ATP12A: variants seen among roughly 807,000 people sequenced by gnomAD.
ATP12A encodes potassium-transporting ATPase alpha chain 2.
ATP12A carries 81 observed loss-of-function variants against 111.2 expected under a neutral mutation model. The observed-to-expected ratio is 0.73, with a 90% CI of 0.61 to 0.88. The LOEUF is 0.88. ATP12A is among the 40% of genes least tolerant of loss of function. The probability of loss-of-function intolerance (pLI) is 0.00; values close to 1 mark genes in which losing one functional copy is unlikely to be tolerated. For missense variants in ATP12A, 1,196 were observed against 1,313.1 expected (o/e 0.91, Z 1.38); for synonymous variants, 498 against 499.8 (o/e 1.00, Z 0.05).
intron 14 of ATP12A, among the ~76,000 whole-genome samples, chr13:24,703,288 G>T (rs377594090): frequency 6.6e-6 from 1 of 152,146 alleles, no homozygotes; most frequent in South Asian, 2.1e-4. Context: ...TGTCACCCAC[G>T]CTGTAATGCA....
At position 24,690,739 on chromosome 13, in the gene ATP12A, C is replaced by T. The variant is rs771097256; in HGVS notation, c.799+18C>T. The T allele has an allele frequency of 3.8e-6, 6 of 1,599,350 alleles. No homozygotes were observed. The South Asian group carries it at 6.7e-5, about 18-fold the overall frequency. On this transcript the variant is annotated intron_variant, in intron 7 of 22. Transcript: ENST00000381946. ...TCTGGAAGGTAAAAGGCCTCTGGCT[C>T]TCAGCCCACATGTCCACCTGTGTCC...
At position 24,708,964 on chromosome 13, in the gene ATP12A, G is replaced by GAAA. The variant is rs1566078416; in HGVS notation, c.2494-400_2494-399insAAA. On this transcript the variant is annotated intron_variant, in intron 17 of 22. Transcript: ENST00000381946. Reference sequence around the variant, plus strand: ...AAGAAAGAAAGAAAGAAAGAAAGAAGGAAAGAGAAAGAGAAATGAATGCAA... The same window carrying GAAA: ...AAGAAAGAAAGAAAGAAAGAAAGAAGAAAGAAAGAGAAAGAGAAATGAATGCAA... Among the ~76,000 whole-genome samples the GAAA allele has an allele frequency of 4.5e-3, 519 of 114,772 alleles. 19 individuals are homozygous for GAAA. Among genetic ancestry groups the GAAA allele is most frequent in the East Asian group, 0.017 (54 of 3,222 alleles). 75.3% of individuals were successfully genotyped at this position (114,772 alleles called of 152,430 possible).
At chr13:24,705,031 C>T (rs1402696359) in intron 14 of ATP12A, among the ~76,000 whole-genome samples, 3 of 152,108 alleles carry the variant, frequency 2.0e-5, no homozygotes, top group South Asian at 2.1e-4. Flanking sequence ...TTTTTGCCAG[C>T]GGTTAAGGAG....
chr13:24,682,825 G>C (rs942760686), intron 2 of ATP12A, among the ~76,000 whole-genome samples: 1 of 152,132 alleles, frequency 6.6e-6, no homozygotes, highest in Non-Finnish European at 1.5e-5. Context: ...TTTCCTTTAT[G>C]TAAAATGGGA....
intron 2 of ATP12A, among the ~76,000 whole-genome samples, chr13:24,682,716 T>G (rs1430370562): frequency 6.6e-6 from 1 of 152,158 alleles, no homozygotes; most frequent in Non-Finnish European, 1.5e-5. Flanking sequence ...GTGGTAAAAA[T>G]GTGGAGCTTG....
chr13:24,696,489 G>A (rs1478855150), intron 11 of ATP12A, among the ~76,000 whole-genome samples: 1 of 72,314 alleles, frequency 1.4e-5, no homozygotes, highest in Non-Finnish European at 2.9e-5. Context: ...GGTGGATCAT[G>A]AGGTCAGGAG....
Position 24,712,224 on chromosome 13 carries a change from A to G in ATP12A, c.*702A>G, listed in dbSNP as rs563106138. 1 of 152,662 alleles carries G rather than the reference A, an allele frequency of 6.6e-6. No homozygotes were observed. The highest frequency in any genetic ancestry group is 1.5e-5 in the Non-Finnish European group (1 of 68,354). 9.5% of individuals were successfully genotyped at this position (152,662 alleles called of 1,614,324 possible). On this transcript the variant is annotated 3_prime_UTR_variant, in exon 23 of 23. Transcript: ENST00000381946. ...AAACTGAGCTCCCAGTTCATTTTGC[A>G]TATCCTAACTCAAAATGCTCAGCTA...
chr13:24,693,573 A>G (rs1875001801), intron 10 of ATP12A, among the ~76,000 whole-genome samples: 1 of 152,098 alleles, frequency 6.6e-6, no homozygotes. Flanking sequence ...CTAATTTCTT[A>G]CCTCAACTCC....
rs761267646 is a variant in ATP12A, at chr13:24,690,623, CG to C, written c.706del (p.Glu236SerfsTer93). 6 of 1,612,320 alleles carry C rather than the reference CG, an allele frequency of 3.7e-6. No individual in the cohort carries two copies. The East Asian group carries it at 1.3e-4, about 36-fold the overall frequency. ...TTCTAGGTGGATAACTCATCTCTCA[CG>C]GGGGAGTCTGAGCCCCAGCCCCGCT... ...QGCRVDNSSLTGESEPQPRSS... is the reference protein window; with the variant it reads ...QGCRVDNSSLXGESEPQPRSS... On this transcript the variant is annotated frameshift_variant, in exon 7 of 23. Coordinates refer to ENST00000381946, the MANE Select transcript of ATP12A (RefSeq NM_001676.7). LOFTEE classifies it high-confidence loss of function.
Position 24,700,889 on chromosome 13 carries a change from T to A in ATP12A, c.1848T>A (p.Asp616Glu). The change falls in exon 13 of 23, where the codon GAT becomes GAA. Residue 616 changes from aspartate (D) to glutamate (E), a missense_variant. Asp to Glu is a conservative substitution (Grantham distance 45). Coordinates refer to ENST00000381946, the MANE Select transcript of ATP12A (RefSeq NM_001676.7). The stretch of plus-strand genomic sequence containing the variant: ...ATCCCCCTCGGTCCACCGTGCCAGA[T>A]GCAGTCACCAAATGCCGGAGTGCAG... ...MIDPPRSTVP[D>E]AVTKCRSAGI... 1 of 1,614,238 alleles carries A rather than the reference T, an allele frequency of 6.2e-7. No homozygotes were observed. Among genetic ancestry groups the A allele is most frequent in the Non-Finnish European group, 8.5e-7 (1 of 1,180,038 alleles).
chr13:24,694,621 A>C, intron 11 of ATP12A, 43 bp downstream of exon 11: 1 of 1,610,804 alleles, frequency 6.2e-7, no homozygotes, highest in Non-Finnish European at 8.5e-7. Flanking sequence ...CATCGGCAGC[A>C]TGACCTTTCT....
At chr13:24,683,918 T>C (rs879191557) in intron 2 of ATP12A, among the ~76,000 whole-genome samples, 3 of 152,204 alleles carry the variant, frequency 2.0e-5, no homozygotes, top group Admixed American at 6.5e-5. Flanking sequence ...CCAACCTTTC[T>C]TGGCAAATTA....
At chr13:24,694,084 C>T (rs1025725191) in intron 10 of ATP12A, among the ~76,000 whole-genome samples, 1 of 152,184 alleles carries the variant, frequency 6.6e-6, no homozygotes, top group South Asian at 2.1e-4. Flanking sequence ...CCGCTTGTAC[C>T]TTGAACACTC....
At position 24,690,277 on chromosome 13, in the gene ATP12A, C is replaced by T. The variant is rs1420176589; in HGVS notation, c.547-61C>T. 1.9e-6 allele frequency: 3 copies of T among 1,595,002 alleles called. No individual in the cohort carries two copies. The African/African-American group carries it at 4.0e-5, about 21-fold the overall frequency. On this transcript the variant is annotated intron_variant, in intron 5 of 22. Transcript: ENST00000381946. ...GTCCTGGGGTTCGGTGCGGCACAGA[C>T]TTGGGGGAGGGCCGGTGTCCTTCCA...
At chr13:24,691,371 C>T (rs567168374) in intron 8 of ATP12A, 121 bp downstream of exon 8, 18 of 1,245,398 alleles carry the variant, frequency 1.4e-5, no homozygotes, top group Admixed American at 5.4e-5. Flanking sequence ...TCCCCGCCAG[C>T]GACAACCCTG....
Position 24,698,940 on chromosome 13 carries a change from A to T in ATP12A, c.1705+90A>T, listed in dbSNP as rs570834476. On this transcript the variant is annotated intron_variant, in intron 12 of 22. Coordinates refer to ENST00000381946, the MANE Select transcript of ATP12A (RefSeq NM_001676.7). ...GGACCTGTGACCTAGCCCAGTGGCC[A>T]TGGCATCCACGTGAAGCATGTAAAG... The T allele has an allele frequency of 4.1e-6, 6 of 1,454,824 alleles. No individual in the cohort carries two copies. The African/African-American group carries it at 7.0e-5, about 17-fold the overall frequency. 90.1% of individuals were successfully genotyped at this position (1,454,824 alleles called of 1,614,324 possible).
rs757573990 is a variant in ATP12A at position 24,700,862 on chromosome 13, C to G, written c.1821C>G (p.Ile607Met). The G allele has an allele frequency of 6.2e-7, 1 of 1,614,136 alleles. No individual in the cohort carries two copies. The highest frequency in any genetic ancestry group is 1.1e-5 in the South Asian group (1 of 91,066). Residue 607 changes from isoleucine to methionine, a missense_variant, in exon 13 of 23, where the codon ATC becomes ATG. By Grantham distance (10) the Ile-to-Met change is conservative. This residue lies in a region of ATP12A where 1,126 missense variants were observed against 1,228.5 expected (regional missense o/e 0.92). Coordinates refer to ENST00000381946, the MANE Select transcript of ATP12A (RefSeq NM_001676.7). ...GTTTTGTGGGACTCTTGTCAATGAT[C>G]GATCCCCCTCGGTCCACCGTGCCAG... ...NLCFVGLLSM[I>M]DPPRSTVPDA...
At position 24,687,500 on chromosome 13, in the gene ATP12A, G is replaced by A. The variant is rs373945166; in HGVS notation, c.229-819G>A. 9.2e-5 allele frequency among the ~76,000 whole-genome samples: 14 copies of A among 152,258 alleles called. No homozygotes were observed. In the East Asian group the frequency reaches 2.5e-3, roughly 27 times the overall value. On this transcript the variant is annotated intron_variant, in intron 3 of 22. Transcript: ENST00000381946. ...ACCAAGACAGAGTCCTGCCCTTTAA[G>A]TAGCTTACAACATAATTAGGGAGAA... is the stretch of plus-strand genomic sequence containing the variant.
rs375724339 is a variant in ATP12A at position 24,694,590 on chromosome 13, C to T, written c.1512+12C>T. The T allele has an allele frequency of 9.3e-6, 15 of 1,612,056 alleles. No homozygotes were observed. The African/African-American group carries it at 1.9e-4, about 20-fold the overall frequency. ...CTAATAAATTTCAGGTGAGTTTTTC[C>T]TCACAACCGGTAATCTCTGTCATCG... is the stretch of plus-strand genomic sequence containing the variant. On this transcript the variant is annotated intron_variant, in intron 11 of 22. Transcript: ENST00000381946.
Sources: gnomAD v4.1 joint callset for allele counts (sites outside exome capture counted in the v4.1 genomes callset) on GRCh38, gnomAD v4.1.1 for gene constraint, gnomAD v4.1.1 regional missense constraint, MANE v1.5 for transcripts, NCBI Gene and HGNC (gene_info 2026-07-23, HGNC 2026-07-21) for gene names.